Variants in DPF3 observed in about 807,000 individuals in gnomAD.
DPF3 encodes the protein double PHD fingers 3.
A neutral mutation model predicts 56.8 loss-of-function variants in DPF3; 18 were observed. That is an observed-to-expected ratio of 0.32 (90% CI 0.22 to 0.47). The LOEUF (loss-of-function observed/expected upper bound fraction) is 0.47, where lower values mean the gene tolerates loss of function less well. Among genes scored for constraint, DPF3 ranks in the 20% least tolerant of loss-of-function variants. The pLI, the probability that DPF3 is intolerant of heterozygous loss-of-function variation, is 1.00. For synonymous variants in DPF3, 188 were observed against 180.2 expected (o/e 1.04, Z -0.35); for missense variants, 403 against 488.8 (o/e 0.82, Z 1.65).
intron 1 of DPF3, among the ~76,000 whole-genome samples, chr14:72,835,512 A>C (rs1884253642): frequency 6.6e-6 from 1 of 152,236 alleles, no homozygotes; most frequent in African/African-American, 2.4e-5. Flanking sequence ...AGAAAAATTC[A>C]ATCATCCTTT....
At chr14:72,880,772 G>A (rs927476935) in intron 1 of DPF3, among the ~76,000 whole-genome samples, 1 of 152,094 alleles carries the variant, frequency 6.6e-6, no homozygotes, top group African/African-American at 2.4e-5. Flanking sequence ...CGAACTCCTG[G>A]GCTCAAGCGA....
chr14:72,863,192 T>A, intron 1 of DPF3, among the ~76,000 whole-genome samples: 1 of 146,104 alleles, frequency 6.8e-6, no homozygotes, highest in Non-Finnish European at 1.5e-5. Context: ...CCCCAGGCCT[T>A]TCTCAAGCAA....
intron 2 of DPF3, among the ~76,000 whole-genome samples, chr14:72,759,767 A>T (rs145395913): frequency 2.0e-4 from 30 of 152,300 alleles, no homozygotes; most frequent in Admixed American, 3.9e-4. Context: ...TGATAAAGAG[A>T]AAATATTAAA....
At position 72,671,484 on chromosome 14, in the gene DPF3, G is replaced by T. The variant is rs754901008; in HGVS notation, c.871+2756C>A. 2.3e-5 allele frequency: 26 copies of T among 1,136,416 alleles called. No homozygotes were observed. The African/African-American group carries it at 3.2e-4, about 14-fold the overall frequency. 70.4% of individuals were successfully genotyped at this position (1,136,416 alleles called of 1,614,324 possible). A position where few individuals can be genotyped will look rare whatever the true frequency, so the allele number is the denominator to read the frequency against. ...AAGGGATTAACCCGGTGCATCACCT[G>T]GTGACGGGGATTTGGGACAAAGCAA... is the stretch of plus-strand genomic sequence containing the variant. On this transcript the variant is annotated intron_variant, in intron 8 of 10. Transcript: ENST00000556509.
intron 8 of DPF3, among the ~76,000 whole-genome samples, chr14:72,648,682 G>A (rs149764048): frequency 9.9e-5 from 15 of 151,810 alleles, no homozygotes; most frequent in East Asian, 7.7e-4. Flanking sequence ...GGGAATGAAC[G>A]GTCTCAGCTC....
intron 7 of DPF3, among the ~76,000 whole-genome samples, chr14:72,687,901 C>T (rs1887480770): frequency 6.6e-6 from 1 of 151,880 alleles, no homozygotes. Flanking sequence ...TCAACAAGGT[C>T]CCAAGGGATG....
intron 2 of DPF3, among the ~76,000 whole-genome samples, chr14:72,769,159 T>A (rs1364251810): frequency 1.3e-5 from 2 of 152,218 alleles, no homozygotes; most frequent in African/African-American, 4.8e-5. Flanking sequence ...TGAATACTAT[T>A]TCTTAGTTCT....
chr14:72,609,481 A>T lies in DPF3; in HGVS notation c.*9816T>A, dbSNP rs933959836. Among the ~76,000 whole-genome samples the T allele has an allele frequency of 2.0e-5, 3 of 152,188 alleles. No homozygotes were observed. Among genetic ancestry groups the T allele is most frequent in the Admixed American group, 1.3e-4 (2 of 15,280 alleles). The stretch of plus-strand genomic sequence containing the variant: ...CACAGAACCATCATGTCCCCTTAGG[A>T]TGGCAGAAGATGTGGCACAGCCTCA... On this transcript the variant is annotated 3_prime_UTR_variant, in exon 11 of 11. Coordinates refer to ENST00000556509, the MANE Select transcript of DPF3 (RefSeq NM_001280542.3).
intron 1 of DPF3, among the ~76,000 whole-genome samples, chr14:72,861,304 C>T (rs1885397137): frequency 6.6e-6 from 1 of 152,144 alleles, no homozygotes; most frequent in African/African-American, 2.4e-5. Flanking sequence ...GTTACATTTC[C>T]TCCACTGGAT....
In DPF3 at chr14:72,730,809, T is replaced by C. The variant is rs889064459; in HGVS notation, c.429+998A>G. Among the ~76,000 whole-genome samples the C allele has an allele frequency of 2.9e-4, 44 of 152,200 alleles. 1 individual carries two copies. The highest frequency in any genetic ancestry group is 2.1e-4 in the Non-Finnish European group (14 of 68,046). On this transcript the variant is annotated intron_variant, in intron 4 of 10. Transcript: ENST00000556509. ...TATTTCATAATAGGATCAATTCATATTACAATACTCAATGGCAAACATTGT... is the reference window on the plus strand; with the variant it reads ...TATTTCATAATAGGATCAATTCATACTACAATACTCAATGGCAAACATTGT...
chr14:72,753,028 G>C (rs1011512186), intron 3 of DPF3, among the ~76,000 whole-genome samples: 1 of 152,278 alleles, frequency 6.6e-6, no homozygotes, highest in Non-Finnish European at 1.5e-5. Flanking sequence ...TTTCCTCCCT[G>C]GGGTGGCAAA....
intron 1 of DPF3, among the ~76,000 whole-genome samples, chr14:72,792,474 G>A (rs1245549167): frequency 6.6e-6 from 1 of 152,124 alleles, no homozygotes; most frequent in Non-Finnish European, 1.5e-5. Flanking sequence ...CTAGTGTTGG[G>A]AGCGATTCTT....
At chr14:72,878,153 C>T (rs1886188404) in intron 1 of DPF3, among the ~76,000 whole-genome samples, 1 of 152,156 alleles carries the variant, frequency 6.6e-6, no homozygotes, top group Non-Finnish European at 1.5e-5. Context: ...CCTGGGAGTC[C>T]GTGTCCACCT....
At chr14:72,744,672 G>A (rs1890256324) in intron 3 of DPF3, among the ~76,000 whole-genome samples, 3 of 152,064 alleles carry the variant, frequency 2.0e-5, no homozygotes, top group African/African-American at 7.2e-5. Context: ...CAGCTCCGCA[G>A]ACCTGAGCTC....
chr14:72,839,561 T>C (rs569562222), intron 1 of DPF3, among the ~76,000 whole-genome samples: 3 of 152,296 alleles, frequency 2.0e-5, no homozygotes, highest in South Asian at 4.2e-4. Flanking sequence ...GCCAGATAGA[T>C]GTCAGATTTG....
At position 72,857,879 on chromosome 14, in the gene DPF3, G is replaced by A. The variant is rs577967387; in HGVS notation, c.32+36178C>T. Among the ~76,000 whole-genome samples, 27 of 152,082 alleles carry A rather than the reference G, an allele frequency of 1.8e-4. 1 individual carries two copies. Among genetic ancestry groups the A allele is most frequent in the Admixed American group, 1.5e-3 (23 of 15,276 alleles). Reference sequence around the variant, plus strand: ...TGGGATTACAGGCGTGAGCCACCACGCCTGGCCTGCAAGGAGTTCGTTATG... The same window carrying A: ...TGGGATTACAGGCGTGAGCCACCACACCTGGCCTGCAAGGAGTTCGTTATG... On this transcript the variant is annotated intron_variant, in intron 1 of 10. Transcript: ENST00000556509.
chr14:72,714,390 G>T (rs541574228), intron 6 of DPF3, 33 bp downstream of exon 6: 3 of 1,610,918 alleles, frequency 1.9e-6, no homozygotes, highest in Non-Finnish European at 2.5e-6. Flanking sequence ...AGGCGCACAG[G>T]GAGGAAGGAA....
intron 7 of DPF3, among the ~76,000 whole-genome samples, chr14:72,691,346 G>C (rs1340760710): frequency 6.6e-6 from 1 of 152,202 alleles, no homozygotes; most frequent in Non-Finnish European, 1.5e-5. Context: ...TTTGGAAGTA[G>C]GGTCCTCAAA....
intron 1 of DPF3, among the ~76,000 whole-genome samples, chr14:72,773,378 C>T (rs1891621169): frequency 6.6e-6 from 1 of 152,200 alleles, no homozygotes; most frequent in South Asian, 2.1e-4. Context: ...AGGCGATCCA[C>T]CCGCCTCAGC....
Sources: allele counts gnomAD v4.1 joint callset (sites outside exome capture counted in the v4.1 genomes callset), GRCh38; gene constraint gnomAD v4.1.1; transcripts MANE v1.5; gene names NCBI Gene and HGNC (gene_info 2026-07-23, HGNC 2026-07-21).